PARN: variants seen among roughly 807,000 people sequenced by gnomAD.
PARN encodes the protein poly(A)-specific ribonuclease PARN.
Under a neutral mutation model 102.8 loss-of-function variants are expected in PARN, and 71 were observed. The observed-to-expected ratio is 0.69, with a 90% confidence interval of 0.57 to 0.84. The LOEUF (loss-of-function observed/expected upper bound fraction) is 0.84, where lower values mean the gene tolerates loss of function less well. Ranked by LOEUF, PARN falls within the 40% of genes least tolerant of loss-of-function variation. PARN has a pLI of 0.00. For synonymous variants in PARN, 261 were observed against 252.9 expected (o/e 1.03, Z -0.30); for missense variants, 782 against 760.9 (o/e 1.03, Z -0.33).
At position 14,607,178 on chromosome 16, in the gene PARN, A is replaced by G. The variant is rs17338453; in HGVS notation, c.660-652T>C. 8.8e-3 allele frequency among the ~76,000 whole-genome samples: 1,344 copies of G among 152,074 alleles called. 23 individuals carry two copies. The highest frequency in any genetic ancestry group is 0.03 in the African/African-American group (1,264 of 41,510). On this transcript the variant is annotated intron_variant, in intron 9 of 23. Coordinates refer to ENST00000437198, the MANE Select transcript of PARN (RefSeq NM_002582.4). ...GCTTCCAAATATAAAAATGTTTCCT[A>G]ACTGAAATTGTGAAAGTCTTTTTAT...
Position 14,617,671 on chromosome 16 carries a change from C to G in PARN, c.328-21G>C, listed in dbSNP as rs1398572972. ...GAGCTCTGAAACAGAGTAAACAGAA[C>G]ACATGTTTTGGGGATGTTAGCGGCA... On this transcript the variant is annotated intron_variant, in intron 5 of 23. Transcript: ENST00000437198. 3.3e-6 allele frequency: 5 copies of G among 1,504,608 alleles called. No individual in the cohort carries two copies. The Admixed American group carries it at 5.0e-5, about 15-fold the overall frequency. The allele number at this position is 1,504,608 out of a possible 1,614,324, so 93.2% of individuals were successfully genotyped here.
chr16:14,535,689 A>G (rs941439199), intron 21 of PARN, among the ~76,000 whole-genome samples: 1 of 152,244 alleles, frequency 6.6e-6, no homozygotes, highest in Admixed American at 6.5e-5. Context: ...TATTTTGAGA[A>G]AAACAGAGCA....
At chr16:14,468,837 T>C (rs367860743) in intron 22 of PARN, among the ~76,000 whole-genome samples, 2 of 149,762 alleles carry the variant, frequency 1.3e-5, no homozygotes, top group Admixed American at 6.7e-5. Flanking sequence ...AGCCCAGGAA[T>C]AGGAGACCAG....
intron 20 of PARN, among the ~76,000 whole-genome samples, chr16:14,553,774 T>C (rs1967480279): frequency 6.6e-6 from 1 of 152,206 alleles, no homozygotes; most frequent in South Asian, 2.1e-4. Flanking sequence ...AAAAATTATT[T>C]ATGCTTAGCC....
chr16:14,452,824 A>G (rs1432231007), intron 22 of PARN, among the ~76,000 whole-genome samples: 1 of 152,270 alleles, frequency 6.6e-6, no homozygotes, highest in African/African-American at 2.4e-5. Context: ...TAATAAAAAT[A>G]AAAGCTGTGA....
chr16:14,517,794 T>G (rs1168996453), intron 21 of PARN, among the ~76,000 whole-genome samples: 1 of 152,164 alleles, frequency 6.6e-6, no homozygotes, highest in Non-Finnish European at 1.5e-5. Context: ...CTCTCGTACC[T>G]TGGCTTCCTG....
chr16:14,585,362 CTGT>C (rs1319757413), intron 14 of PARN, among the ~76,000 whole-genome samples: 1 of 126,740 alleles, frequency 7.9e-6, no homozygotes, highest in African/African-American at 2.8e-5. Context: ...CTCTATTTCT[CTGT>C]TTTTTTTTTT....
chr16:14,602,024 G>C (rs1026514528), intron 11 of PARN: 4 of 149,188 alleles, frequency 2.7e-5, no homozygotes, highest in Non-Finnish European at 5.9e-5. Flanking sequence ...TCCGCCTCCC[G>C]GGTTCAAGCG....
At chr16:14,613,359 T>C (rs1239360641) in intron 6 of PARN, among the ~76,000 whole-genome samples, 1 of 148,772 alleles carries the variant, frequency 6.7e-6, no homozygotes, top group African/African-American at 2.5e-5. Flanking sequence ...GCCTGGCTCA[T>C]GCCTATAATC....
intron 18 of PARN, among the ~76,000 whole-genome samples, chr16:14,562,810 A>G (rs1189047620): frequency 6.6e-6 from 1 of 152,206 alleles, no homozygotes; most frequent in Non-Finnish European, 1.5e-5. Context: ...CAAAAGAATC[A>G]GACACCTCTA....
intron 14 of PARN, among the ~76,000 whole-genome samples, chr16:14,585,191 C>T (rs1310329513): frequency 2.0e-5 from 3 of 152,182 alleles, no homozygotes; most frequent in African/African-American, 4.8e-5. Context: ...TCCCAAACTG[C>T]TACCATCTAC....
intron 21 of PARN, among the ~76,000 whole-genome samples, chr16:14,530,950 T>C (rs1428144721): frequency 1.3e-5 from 2 of 151,876 alleles, no homozygotes; most frequent in East Asian, 1.9e-4. Flanking sequence ...TCTGTATTCA[T>C]TCATTCATGC....
At chr16:14,440,733 A>G (rs543742216) in intron 23 of PARN, among the ~76,000 whole-genome samples, 163 of 152,368 alleles carry the variant, frequency 1.1e-3, no homozygotes, top group African/African-American at 3.9e-3. Context: ...GCTAAATGAA[A>G]GAAGTTAAAT....
chr16:14,600,020 A>T (rs1229003636), intron 11 of PARN, 60 bp from the exon 12 acceptor site: 5 of 945,490 alleles, frequency 5.3e-6, no homozygotes, highest in African/African-American at 5.1e-5. Context: ...TATGTGAATT[A>T]AAAAACTACC....
intron 22 of PARN, among the ~76,000 whole-genome samples, chr16:14,467,767 G>C (rs1393247731): frequency 1.3e-5 from 2 of 152,138 alleles, no homozygotes; most frequent in African/African-American, 2.4e-5. Context: ...ATTATCAAAA[G>C]AATGTCATTC....
chr16:14,614,446 G>C (rs942489532), intron 6 of PARN, among the ~76,000 whole-genome samples: 1 of 152,118 alleles, frequency 6.6e-6, no homozygotes, highest in Non-Finnish European at 1.5e-5. Context: ...CAGGAGTGGA[G>C]AGAATTATAA....
At chr16:14,532,812 C>G (rs1040467551) in intron 21 of PARN, among the ~76,000 whole-genome samples, 5 of 145,296 alleles carry the variant, frequency 3.4e-5, no homozygotes, top group Admixed American at 3.4e-4. Flanking sequence ...GGGGGGCTGA[C>G]CCCCCCACCT....
chr16:14,619,770 TAAAAAAA>T (rs912560090), intron 5 of PARN, among the ~76,000 whole-genome samples: 11 of 144,430 alleles, frequency 7.6e-5, no homozygotes, highest in Admixed American at 3.5e-4. Context: ...CTCTGCCTCT[TAAAAAAA>T]AAACAAAAAA....
At chr16:14,441,464 A>G (rs576549370) in intron 23 of PARN, among the ~76,000 whole-genome samples, 78 of 152,356 alleles carry the variant, frequency 5.1e-4, no homozygotes, top group African/African-American at 1.8e-3. Flanking sequence ...GAAGCTTCCC[A>G]TTGTATCCTC....
Sources: allele counts gnomAD v4.1 joint callset (sites outside exome capture counted in the v4.1 genomes callset), GRCh38; gene constraint gnomAD v4.1.1; transcripts MANE v1.5; gene names NCBI Gene and HGNC (gene_info 2026-07-23, HGNC 2026-07-21).